The following OTUD7A variants were observed in gnomAD, a reference collection of about 807,000 sequenced individuals.
OTUD7A encodes the protein OTU domain-containing protein 7A.
OTUD7A carries 12 observed loss-of-function variants against 65.7 expected under a neutral mutation model. The ratio of observed to expected loss-of-function variants is 0.18; its 90% CI spans 0.12 to 0.30. OTUD7A has a LOEUF of 0.30. Among genes scored for constraint, OTUD7A ranks in the 10% least tolerant of loss-of-function variants. OTUD7A has a pLI of 1.00. For missense variants in OTUD7A, 1,148 were observed against 1,304.8 expected (o/e 0.88, Z 1.85); for synonymous variants, 641 against 586.3 (o/e 1.09, Z -1.35).
At chr15:31,493,302 C>G (rs910521215) in intron 10 of OTUD7A, among the ~76,000 whole-genome samples, 21 of 152,284 alleles carry the variant, frequency 1.4e-4, no homozygotes, top group African/African-American at 5.1e-4. Flanking sequence ...AGGAACATTA[C>G]ATAATGCTAA....
chr15:31,676,563 A>G (rs1892598920), intron 1 of OTUD7A, among the ~76,000 whole-genome samples: 1 of 152,252 alleles, frequency 6.6e-6, no homozygotes, highest in Non-Finnish European at 1.5e-5. Flanking sequence ...ATGTGATACG[A>G]GAAGCTGTGC....
At chr15:31,810,580 C>T (rs1361225433) in intron 1 of OTUD7A, among the ~76,000 whole-genome samples, 5 of 152,134 alleles carry the variant, frequency 3.3e-5, no homozygotes, top group Non-Finnish European at 7.3e-5. Flanking sequence ...ACTAGCCCTG[C>T]CAGCACCTTC....
chr15:31,640,901 C>T (rs7176683), intron 3 of OTUD7A, among the ~76,000 whole-genome samples: 10,845 of 152,042 alleles, frequency 0.071, 927 homozygotes, highest in African/African-American at 0.21. Context: ...GTACACTATG[C>T]AATATTATTA....
chr15:31,762,563 A>G (rs1233633346), intron 1 of OTUD7A, among the ~76,000 whole-genome samples: 1 of 152,210 alleles, frequency 6.6e-6, no homozygotes, highest in East Asian at 1.9e-4. Flanking sequence ...TAAACAGTAC[A>G]CCAAAGGCTT....
intron 3 of OTUD7A, among the ~76,000 whole-genome samples, chr15:31,614,631 T>TA (rs1006455395): frequency 5.9e-4 from 89 of 151,306 alleles, no homozygotes; most frequent in African/African-American, 1.8e-3. Flanking sequence ...AGATGCAAAA[T>TA]AAAAAAAAAT....
At chr15:31,865,285 C>CGTTA (rs1267679821) in intron 1 of OTUD7A, among the ~76,000 whole-genome samples, 3 of 152,196 alleles carry the variant, frequency 2.0e-5, no homozygotes, top group Non-Finnish European at 2.9e-5. Flanking sequence ...ACTACAATAA[C>CGTTA]ACACGTTGTC....
At chr15:31,732,970 A>C (rs755018500) in intron 1 of OTUD7A, among the ~76,000 whole-genome samples, 11 of 152,110 alleles carry the variant, frequency 7.2e-5, no homozygotes, top group Non-Finnish European at 1.3e-4. Flanking sequence ...TACTGGTTCA[A>C]TCTCTAATTG....
intron 1 of OTUD7A, chr15:31,766,935 G>A: frequency 6.2e-7 from 1 of 1,611,322 alleles, no homozygotes; most frequent in Non-Finnish European, 8.5e-7. Context: ...ACCTTGGTTT[G>A]CTGTTAGAGG....
intron 1 of OTUD7A, among the ~76,000 whole-genome samples, chr15:31,824,965 T>G (rs1238134813): frequency 6.6e-6 from 1 of 152,242 alleles, no homozygotes; most frequent in Non-Finnish European, 1.5e-5. Context: ...TCTTTATACT[T>G]GGGACAATTT....
chr15:31,830,583 C>T (rs1018211199), intron 1 of OTUD7A, among the ~76,000 whole-genome samples: 2 of 152,230 alleles, frequency 1.3e-5, no homozygotes, highest in African/African-American at 4.8e-5. Flanking sequence ...GGAGCTACAT[C>T]TTTTTTCTCT....
At chr15:31,493,711 C>T (rs1396298437) in intron 10 of OTUD7A, among the ~76,000 whole-genome samples, 3 of 152,196 alleles carry the variant, frequency 2.0e-5, no homozygotes, top group Non-Finnish European at 4.4e-5. Context: ...AATATTTGAA[C>T]AATCCCCCAA....
chr15:31,778,693 AAATT>A (rs1419955852), intron 1 of OTUD7A, among the ~76,000 whole-genome samples: 2 of 152,118 alleles, frequency 1.3e-5, no homozygotes, highest in Non-Finnish European at 2.9e-5. Context: ...GGAAAAAGTG[AAATT>A]AATTCGTTGA....
At chr15:31,823,007 G>T (rs1896722588) in intron 1 of OTUD7A, among the ~76,000 whole-genome samples, 1 of 152,216 alleles carries the variant, frequency 6.6e-6, no homozygotes, top group Non-Finnish European at 1.5e-5. Flanking sequence ...TTGGCCTGTG[G>T]GGCATGCATT....
At chr15:31,628,358 C>T (rs1269777652) in intron 3 of OTUD7A, among the ~76,000 whole-genome samples, 1 of 152,136 alleles carries the variant, frequency 6.6e-6, no homozygotes, top group East Asian at 1.9e-4. Context: ...GAATCCTTTC[C>T]CCATTGCTTG....
At chr15:31,546,249 A>G (rs978501915) in intron 5 of OTUD7A, among the ~76,000 whole-genome samples, 6 of 152,358 alleles carry the variant, frequency 3.9e-5, no homozygotes, top group African/African-American at 1.4e-4. Flanking sequence ...AGAAACCTGT[A>G]CAAGAATGTT....
chr15:31,595,696 G>A (rs1889883335), intron 3 of OTUD7A, among the ~76,000 whole-genome samples: 1 of 152,254 alleles, frequency 6.6e-6, no homozygotes, highest in South Asian at 2.1e-4. Flanking sequence ...TCTGCTCTGA[G>A]TCTTACAAGG....
intron 1 of OTUD7A, among the ~76,000 whole-genome samples, chr15:31,756,459 A>G (rs530529933): frequency 1.3e-5 from 2 of 152,348 alleles, no homozygotes; most frequent in African/African-American, 4.8e-5. Context: ...AAGGCCATAA[A>G]GTCAGTGCTG....
At chr15:31,768,000 T>G in intron 1 of OTUD7A, 2 of 1,592,418 alleles carry the variant, frequency 1.3e-6, no homozygotes, top group Non-Finnish European at 1.7e-6. Flanking sequence ...TGTTGCCTTG[T>G]AACTTCAGGA....
intron 1 of OTUD7A, among the ~76,000 whole-genome samples, chr15:31,821,404 A>G (rs1281933426): frequency 6.6e-6 from 1 of 150,476 alleles, no homozygotes; most frequent in East Asian, 2.0e-4. Context: ...TCGGCCTCCC[A>G]AAGTGCTGAG....
Sources: allele counts gnomAD v4.1 joint callset (sites outside exome capture counted in the v4.1 genomes callset), GRCh38; gene constraint gnomAD v4.1.1; transcripts MANE v1.5; gene names NCBI Gene and HGNC (gene_info 2026-07-23, HGNC 2026-07-21).